CCT6B: variants seen among roughly 807,000 people sequenced by gnomAD.
CCT6B encodes probable T-complex protein 1 subunit zeta-2.
In CCT6B, 49 loss-of-function variants were observed where a neutral mutation model predicts 61.5. The ratio of observed to expected loss-of-function variants is 0.80; its 90% CI spans 0.63 to 1.01. The LOEUF (loss-of-function observed/expected upper bound fraction) is 1.01. CCT6B is among the 50% of genes least tolerant of loss of function. CCT6B has a pLI of 0.00. For synonymous variants in CCT6B, 228 were observed against 214.5 expected, an observed-to-expected ratio of 1.06 and a Z score of -0.55; for missense variants, 666 against 634.7, an observed-to-expected ratio of 1.05 and a Z score of -0.53.
intron 5 of CCT6B, among the ~76,000 whole-genome samples, chr17:34,950,831 A>G (rs1440626354): frequency 6.6e-6 from 1 of 152,004 alleles, no homozygotes; most frequent in Non-Finnish European, 1.5e-5. Context: ...CAGAAGGCTG[A>G]GGCAGGGGAA....
At chr17:34,942,365 T>A (rs1256650676) in intron 7 of CCT6B, 119 bp downstream of exon 7, 16 of 693,386 alleles carry the variant, frequency 2.3e-5, no homozygotes, top group Non-Finnish European at 3.5e-5. Context: ...ATGAAAATAG[T>A]TTTTGACCTC....
chr17:34,960,714 T>G (rs1187030050), intron 1 of CCT6B, among the ~76,000 whole-genome samples: 1 of 152,182 alleles, frequency 6.6e-6, no homozygotes, highest in Non-Finnish European at 1.5e-5. Flanking sequence ...TCTTATACCC[T>G]TTTGCCCTCA....
At chr17:34,958,458 A>T in intron 3 of CCT6B, 102 bp downstream of exon 3, 3 of 615,078 alleles carry the variant, frequency 4.9e-6, no homozygotes. Context: ...TTAATTAATT[A>T]ATTAATTAAA....
At position 34,927,976 on chromosome 17, in the gene CCT6B, CT is replaced by C; in HGVS notation, c.*71del. The C allele has an allele frequency of 9.3e-7, 1 of 1,080,096 alleles. No homozygotes were observed. The highest frequency in any genetic ancestry group is 1.5e-5 in the South Asian group (1 of 66,390). The allele number at this position is 1,080,096 out of a possible 1,614,324, so 66.9% of individuals were successfully genotyped here. ...GTGTAGAAATTCAGAATGGCTCAGG[CT>C]ACACAATAGTAGTCAGATGTAAAGT... On this transcript the variant is annotated 3_prime_UTR_variant, in exon 14 of 14. Coordinates refer to ENST00000314144, the MANE Select transcript of CCT6B (RefSeq NM_006584.4).
rs1359137960 is a variant in CCT6B at position 34,942,783 on chromosome 17, A to G, written c.725+13T>C. 1.3e-6 allele frequency: 2 copies of G among 1,564,818 alleles called. No homozygotes were observed. Among genetic ancestry groups the G allele is most frequent in the Non-Finnish European group, 1.7e-6 (2 of 1,147,014 alleles). On this transcript the variant is annotated intron_variant, in intron 6 of 13. Coordinates refer to ENST00000314144, the MANE Select transcript of CCT6B (RefSeq NM_006584.4). ...AAAAAATTCAAAAGTTATAAAGAGA[A>G]AGTAACACGCACGTTTTTTCATATT...
intron 5 of CCT6B, chr17:34,944,562 G>C (rs2090202466): frequency 1.3e-5 from 2 of 152,072 alleles, no homozygotes; most frequent in Non-Finnish European, 2.9e-5. Context: ...ATTCTCTCTT[G>C]AGCCACCTTC....
intron 3 of CCT6B, among the ~76,000 whole-genome samples, chr17:34,956,821 T>C (rs963594205): frequency 1.3e-5 from 2 of 152,058 alleles, no homozygotes; most frequent in Non-Finnish European, 2.9e-5. Context: ...TCTCTCTCTT[T>C]CTTTTAGAGA....
At chr17:34,929,428 T>C (rs978502457) in intron 12 of CCT6B, among the ~76,000 whole-genome samples, 1 of 152,052 alleles carries the variant, frequency 6.6e-6, no homozygotes, top group African/African-American at 2.4e-5. Flanking sequence ...ACTTTTAGAT[T>C]TAAACCATAC....
intron 1 of CCT6B, among the ~76,000 whole-genome samples, chr17:34,960,138 C>A (rs1468078695): frequency 6.6e-6 from 1 of 152,206 alleles, no homozygotes; most frequent in African/African-American, 2.4e-5. Context: ...CGGATATCTC[C>A]AAACTTAAAT....
intron 5 of CCT6B, chr17:34,943,650 A>T (rs1366394228): frequency 6.6e-6 from 1 of 152,092 alleles, no homozygotes; most frequent in Non-Finnish European, 1.5e-5. Context: ...GCATTAGGAG[A>T]TATACCTAAT....
rs1042083689 is a variant in CCT6B, at chr17:34,954,598, C to T, written c.338G>A (p.Gly113Asp). 2 of 1,595,934 alleles carry T rather than the reference C, an allele frequency of 1.3e-6. No homozygotes were observed. The highest frequency in any genetic ancestry group is 2.7e-5 in the African/African-American group (2 of 73,776). The change falls in exon 4 of 14, where the codon GGC becomes GAC. Residue 113 changes from glycine (G) to aspartate (D), a missense_variant and splice_region_variant. Coordinates refer to ENST00000314144, the MANE Select transcript of CCT6B (RefSeq NM_006584.4). The stretch of plus-strand genomic sequence containing the variant: ...TTCAGCTATTATTCTAGGGTGCAGG[C>T]CCTGTTACATCAACATAAAATTATA... ...LKQADLYISE[G>D]LHPRIIAEGF...
chr17:34,934,233 G>T (rs1345978367), intron 10 of CCT6B, among the ~76,000 whole-genome samples: 1 of 150,884 alleles, frequency 6.6e-6, no homozygotes, highest in Admixed American at 6.6e-5. Context: ...TTAGTCAAAT[G>T]ACAAATGTCA....
chr17:34,955,213 A>G (rs975252943), intron 3 of CCT6B, among the ~76,000 whole-genome samples: 29 of 152,230 alleles, frequency 1.9e-4, no homozygotes, highest in African/African-American at 7.0e-4. Flanking sequence ...AAAGGATACT[A>G]AAGGAACACG....
At chr17:34,938,466 G>A (rs1008347842) in intron 10 of CCT6B, among the ~76,000 whole-genome samples, 1 of 152,150 alleles carries the variant, frequency 6.6e-6, no homozygotes, top group Non-Finnish European at 1.5e-5. Flanking sequence ...TGAGGTGGGA[G>A]GATCACTTGA....
chr17:34,942,708 CT>C, intron 6 of CCT6B, 65 bp from the exon 7 acceptor site: 1 of 1,484,818 alleles, frequency 6.7e-7, no homozygotes. Flanking sequence ...TAGAAGTAGT[CT>C]ACACCAAACA....
At chr17:34,946,871 C>T (rs2142162241) in intron 5 of CCT6B, among the ~76,000 whole-genome samples, 2 of 152,252 alleles carry the variant, frequency 1.3e-5, no homozygotes, top group Middle Eastern at 3.4e-3. Context: ...GAAATTCAGA[C>T]TACTCTAGAA....
intron 5 of CCT6B, among the ~76,000 whole-genome samples, chr17:34,948,195 C>A (rs907490786): frequency 6.6e-6 from 1 of 152,048 alleles, no homozygotes; most frequent in Admixed American, 6.6e-5. Context: ...ATCCCTCATC[C>A]TTCTCCCACC....
intron 2 of CCT6B, among the ~76,000 whole-genome samples, 160 bp downstream of exon 2, chr17:34,959,427 G>A (rs945244533): frequency 4.6e-5 from 7 of 150,916 alleles, no homozygotes; most frequent in South Asian, 2.1e-4. Context: ...TACCACACCC[G>A]GCCAAAAAAA....
rs769164222 is a variant in CCT6B, at chr17:34,940,580, T to A, written c.927A>T (p.Gly309=). ...PFSLDSLAKH[G]IVALRRAKRR... ...TTTTTGCTCTGCGAAGAGCTACTAT[T>A]CCATGTTTTGCAAGAGAATCTAAGG... Residue 309 remains glycine, a synonymous_variant, in exon 8 of 14, where the codon GGA becomes GGT. Coordinates refer to ENST00000314144, the MANE Select transcript of CCT6B (RefSeq NM_006584.4). 6.3e-7 allele frequency: 1 copy of A among 1,583,274 alleles called. No individual in the cohort carries two copies. Among genetic ancestry groups the A allele is most frequent in the Non-Finnish European group, 8.6e-7 (1 of 1,163,140 alleles).
Sources: gnomAD v4.1 joint callset for allele counts (sites outside exome capture counted in the v4.1 genomes callset) on GRCh38, gnomAD v4.1.1 for gene constraint, MANE v1.5 for transcripts, NCBI Gene and HGNC (gene_info 2026-07-23, HGNC 2026-07-21) for gene names.